Variants in RBM4 observed in about 807,000 individuals in gnomAD.
RBM4 encodes the protein RNA-binding protein 4.
A neutral mutation model predicts 29.5 loss-of-function variants in RBM4; 7 were observed. That is an observed-to-expected ratio of 0.24 (90% CI 0.14 to 0.45). The LOEUF (loss-of-function observed/expected upper bound fraction) is 0.45, where lower values mean the gene tolerates loss of function less well. Among genes scored for constraint, RBM4 ranks in the 20% least tolerant of loss-of-function variants. The pLI is 1.00. For synonymous variants in RBM4, 220 were observed against 205.4 expected (o/e 1.07, Z -0.61); for missense variants, 387 against 502.3 (o/e 0.77, Z 2.19).
chr11:66,654,418 C>T, intron 2 of RBM4, among the ~76,000 whole-genome samples: 1 of 151,970 alleles, frequency 6.6e-6, no homozygotes, highest in East Asian at 1.9e-4. Flanking sequence ...ATGGCGTGAA[C>T]CCGGGAGGCA....
intron 2 of RBM4, chr11:66,665,828 A>AAAT (rs1939210456): frequency 1.3e-6 from 2 of 1,502,636 alleles, no homozygotes; most frequent in African/African-American, 2.8e-5. Flanking sequence ...TGTTGGTGAT[A>AAAT]AATACATCTT....
exon 3 of RBM4, chr11:66,666,297 C>CA: frequency 9.3e-7 from 1 of 1,074,608 alleles, no homozygotes; most frequent in Non-Finnish European, 1.1e-6. Flanking sequence ...TTATTACAGA[C>CA]AAAGGGCCAA....
exon 3 of RBM4, chr11:66,666,989 T>G (rs1939260836): frequency 6.6e-6 from 1 of 151,740 alleles, no homozygotes; most frequent in African/African-American, 2.4e-5. Flanking sequence ...AGTCTCTCAC[T>G]CCTGGGCTCA....
chr11:66,641,286 G>A (rs2135057434), intron 2 of RBM4: 1 of 152,334 alleles, frequency 6.6e-6, no homozygotes, highest in South Asian at 2.1e-4. Flanking sequence ...TTTGTTAAGA[G>A]TCATTGCTGC....
chr11:66,650,143 G>T (rs935568525), downstream of RBM4, among the ~76,000 whole-genome samples: 1 of 152,192 alleles, frequency 6.6e-6, no homozygotes, highest in African/African-American at 2.4e-5. Flanking sequence ...AGTTCGGGGT[G>T]GGAATGGTCA....
At chr11:66,645,114 G>T (rs1938636271) in intron 3 of RBM4, among the ~76,000 whole-genome samples, 1 of 152,018 alleles carries the variant, frequency 6.6e-6, no homozygotes, top group African/African-American at 2.4e-5. Context: ...TAGCTGTTTT[G>T]GGCATTTAAT....
chr11:66,646,006 C>T, intron 3 of RBM4, 21 bp from the exon 4 acceptor site: 1 of 1,536,046 alleles, frequency 6.5e-7, no homozygotes, highest in Non-Finnish European at 8.7e-7. Flanking sequence ...TGTAAAGCCG[C>T]TGTATTGTGC....
downstream of RBM4, among the ~76,000 whole-genome samples, chr11:66,650,484 T>C (rs1288105949): frequency 5.3e-5 from 8 of 151,514 alleles, no homozygotes; most frequent in Admixed American, 6.6e-5. Flanking sequence ...GGCAGAAGAA[T>C]TGCTTGAAGC....
chr11:66,646,211 T>C lies in RBM4; in HGVS notation c.*193T>C. On this transcript the variant is annotated 3_prime_UTR_variant, in exon 4 of 4. Transcript: ENST00000310092. ...CCTTTCCTTTCCTCTCCTGCCCATT[T>C]TCCTGTTCTTCTGTCCTTCAATACT... 1 of 1,457,546 alleles carries C rather than the reference T, an allele frequency of 6.9e-7. No individual in the cohort carries two copies. Among genetic ancestry groups the C allele is most frequent in the African/African-American group, 1.4e-5 (1 of 70,936 alleles). The allele number at this position is 1,457,546 out of a possible 1,614,324, so 90.3% of individuals were successfully genotyped here.
At chr11:66,661,613 A>T (rs927411945) in intron 2 of RBM4, among the ~76,000 whole-genome samples, 6 of 152,242 alleles carry the variant, frequency 3.9e-5, no homozygotes, top group African/African-American at 1.4e-4. Context: ...AAATGAATTC[A>T]GGAGCTTTTA....
At chr11:66,653,926 A>G (rs1938887221) in intron 2 of RBM4, among the ~76,000 whole-genome samples, 1 of 151,788 alleles carries the variant, frequency 6.6e-6, no homozygotes, top group Non-Finnish European at 1.5e-5. Flanking sequence ...GCACAATGGC[A>G]TGCACCTGTA....
At chr11:66,659,517 G>T (rs1266620009) in intron 2 of RBM4, among the ~76,000 whole-genome samples, 2 of 151,888 alleles carry the variant, frequency 1.3e-5, no homozygotes, top group African/African-American at 4.8e-5. Flanking sequence ...CCGACCTCGG[G>T]TTCTGCCCGC....
chr11:66,643,804 A>G lies in RBM4; in HGVS notation c.767A>G (p.Gln256Arg). ...EQTLSQLPQVQNTAMASHLTS... is the reference protein window; with the variant it reads ...EQTLSQLPQVRNTAMASHLTS... Reference sequence around the variant, plus strand: ...ACCCTGTCCCAGCTGCCACAAGTCCAGAATACAGCCATGGCCAGTCACCTC... The same window carrying G: ...ACCCTGTCCCAGCTGCCACAAGTCCGGAATACAGCCATGGCCAGTCACCTC... Residue 256 changes from glutamine to arginine, a missense_variant, in exon 3 of 4, where the codon CAG becomes CGG. By Grantham distance (43) the Gln-to-Arg change is conservative. Coordinates refer to ENST00000310092, the MANE Select transcript of RBM4 (RefSeq NM_002896.4). The surrounding 1 kb of genome is among the most constrained non-coding windows in gnomAD (Gnocchi z 6.1). 6.2e-7 allele frequency: 1 copy of G among 1,614,040 alleles called. No homozygotes were observed. The highest frequency in any genetic ancestry group is 2.2e-5 in the East Asian group (1 of 44,870).
At chr11:66,659,025 A>G (rs1267606533) in intron 2 of RBM4, among the ~76,000 whole-genome samples, 2 of 151,402 alleles carry the variant, frequency 1.3e-5, no homozygotes, top group African/African-American at 4.8e-5. Context: ...ATTGGGTAAA[A>G]ATACATTAAA....
Position 66,643,898 on chromosome 11 carries a change from TGCTGCAGCAGCAGCC to T in RBM4, c.867_881del (p.Ala291_Ala295del). Reference sequence around the variant, plus strand: ...CCTCAGGAGCTGCTGCCACAGCTGCTGCTGCAGCAGCAGCCGCTGCTGCTGTTACTGCAGCTTCCA... The same window carrying T: ...CCTCAGGAGCTGCTGCCACAGCTGCTGCTGCTGCTGTTACTGCAGCTTCCA... On this transcript the variant is annotated inframe_deletion, in exon 3 of 4. Coordinates refer to ENST00000310092, the MANE Select transcript of RBM4 (RefSeq NM_002896.4). This position sits in a 1 kb window ranked among gnomAD's most constrained non-coding sequence, Gnocchi z 6.1. 1 of 1,611,614 alleles carries T rather than the reference TGCTGCAGCAGCAGCC, an allele frequency of 6.2e-7. No homozygotes were observed. Among genetic ancestry groups the T allele is most frequent in the Non-Finnish European group, 8.5e-7 (1 of 1,179,234 alleles).
rs1938551266 is a variant in RBM4 at position 66,643,391 on chromosome 11, T to C, written c.413-59T>C. On this transcript the variant is annotated intron_variant, in intron 2 of 3. Transcript: ENST00000310092. The surrounding 1 kb of genome is among the most constrained non-coding windows in gnomAD (Gnocchi z 6.1). The stretch of plus-strand genomic sequence containing the variant: ...CCATTGCTATGACCAGTGTCTGGGG[T>C]AGGGGCTGGGGCTATGACTAAGAGT... The C allele has an allele frequency of 1.3e-6, 2 of 1,543,018 alleles. No homozygotes were observed. Among genetic ancestry groups the C allele is most frequent in the African/African-American group, 2.7e-5 (2 of 73,038 alleles).
intron 2 of RBM4, among the ~76,000 whole-genome samples, chr11:66,658,995 A>G (rs1350607405): frequency 1.3e-5 from 2 of 151,232 alleles, no homozygotes; most frequent in Admixed American, 6.6e-5. Context: ...ATATGTTGAA[A>G]TGGTCATTTT....
intron 1 of RBM4, 53 bp downstream of exon 1, chr11:66,638,805 T>A (rs1014330339): frequency 1.3e-5 from 2 of 152,336 alleles, no homozygotes; most frequent in African/African-American, 4.8e-5. Context: ...AAATCTTCTC[T>A]CACTCCCTTG....
rs183271339 is a variant in RBM4, at chr11:66,643,677, G to A, written c.640G>A (p.Ala214Thr). The A allele has an allele frequency of 2.1e-4, 346 of 1,614,116 alleles. 2 individuals carry two copies. In the Admixed American group the frequency reaches 5.5e-3, roughly 26 times the overall value. ...TGGGGATTCATTGTATTACAACAAC[G>A]CGTACGGAGCGCTCGATGCCTACTA... ...SYGDSLYYNN[A>T]YGALDAYYKR... The change falls in exon 3 of 4, where the codon GCG (alanine) becomes ACG (threonine). Residue 214 changes from alanine (A) to threonine (T), a missense_variant. Ala to Thr is a moderately conservative substitution (Grantham distance 58). Around this residue, in one of 2 missense-constraint regions of RBM4, gnomAD observed 281 missense variants for 288.7 expected, o/e 0.97. Transcript: ENST00000310092. The surrounding 1 kb of genome is among the most constrained non-coding windows in gnomAD (Gnocchi z 6.1).
Sources: gnomAD v4.1 joint callset for allele counts (sites outside exome capture counted in the v4.1 genomes callset) on GRCh38, gnomAD v4.1.1 for gene constraint, gnomAD v4.1.1 regional missense constraint, Gnocchi (gnomAD v3.1) non-coding constraint, MANE v1.5 for transcripts, NCBI Gene and HGNC (gene_info 2026-07-23, HGNC 2026-07-21) for gene names.